Variants in STON1 observed in about 807,000 individuals in gnomAD.
STON1 encodes the protein stonin 1, also known as stonin-1.
A neutral mutation model predicts 60.9 loss-of-function variants in STON1; 79 were observed. The ratio of observed to expected loss-of-function variants is 1.30; its 90% confidence interval spans 1.08 to 1.56. The LOEUF is 1.56. STON1 is among the 40% of genes most tolerant of loss of function. STON1 has a pLI of 0.00. For synonymous variants in STON1, 363 were observed against 306.9 expected, an observed-to-expected ratio of 1.18 and a Z score of -1.91; for missense variants, 1,166 against 858.9, an observed-to-expected ratio of 1.36 and a Z score of -4.47.
chr2:48,546,953 CT>C (rs1671887098), intron 1 of STON1, among the ~76,000 whole-genome samples: 1 of 152,194 alleles, frequency 6.6e-6, no homozygotes, highest in Non-Finnish European at 1.5e-5. Context: ...TACTTCAAAT[CT>C]TACTGAGAAT....
chr2:48,562,114 GC>G (rs1672638521), intron 1 of STON1, among the ~76,000 whole-genome samples: 2 of 152,162 alleles, frequency 1.3e-5, no homozygotes, highest in Non-Finnish European at 2.9e-5. Context: ...ACCCACCTTG[GC>G]CTCCCAAAGT....
At chr2:48,553,568 A>T (rs981758824) in intron 1 of STON1, among the ~76,000 whole-genome samples, 1 of 151,512 alleles carries the variant, frequency 6.6e-6, no homozygotes, top group Admixed American at 6.6e-5. Context: ...GCTCACTGCA[A>T]CCTCTGCCTC....
chr2:48,564,558 C>CTTCTTCT (rs1672827815), intron 1 of STON1, among the ~76,000 whole-genome samples: 3 of 52,304 alleles, frequency 5.7e-5, no homozygotes, highest in Non-Finnish European at 8.0e-5. Context: ...TCTTCTTCTT[C>CTTCTTCT]TTCTTCTTCT....
At chr2:48,540,305 T>C (rs1052276870) in intron 1 of STON1, among the ~76,000 whole-genome samples, 4 of 152,192 alleles carry the variant, frequency 2.6e-5, no homozygotes, top group Non-Finnish European at 5.9e-5. Flanking sequence ...TTTGTTGTTA[T>C]AATACTGGGT....
chr2:48,542,243 T>G (rs531219302), intron 1 of STON1, among the ~76,000 whole-genome samples: 2 of 152,322 alleles, frequency 1.3e-5, no homozygotes, highest in African/African-American at 4.8e-5. Context: ...TACACAAAGA[T>G]ATTTTCCCCA....
rs774590976 is a variant in STON1, at chr2:48,582,072, T to C, written c.1439T>C (p.Ile480Thr). Reference protein sequence around the residue: ...YYEKDSEKKGIDILDYHFHKC... With the variant: ...YYEKDSEKKGTDILDYHFHKC... ...GAGAAGGACTCAGAAAAAAAGGGGA[T>C]TGATATTCTTGACTACCATTTTCAT... The change falls in exon 2 of 4, where the codon ATT becomes ACT. Residue 480 changes from isoleucine to threonine, a missense_variant. By Grantham distance (89) the Ile-to-Thr change is moderately conservative. Coordinates refer to ENST00000404752, the MANE Select transcript of STON1 (RefSeq NM_006873.4). 7 of 1,614,124 alleles carry C rather than the reference T, an allele frequency of 4.3e-6. No individual in the cohort carries two copies. In the South Asian group the frequency reaches 5.5e-5, roughly 13 times the overall value.
chr2:48,571,184 C>G (rs775894433), intron 1 of STON1, among the ~76,000 whole-genome samples: 6 of 152,114 alleles, frequency 3.9e-5, no homozygotes, highest in Non-Finnish European at 7.4e-5. Flanking sequence ...TGGAATTGTC[C>G]TCTAGGAGTT....
rs1558604809 is a variant in STON1, at chr2:48,564,482, T to TTC, written c.-47-16105_-47-16104insTC. Among the ~76,000 whole-genome samples, 12 of 25,758 alleles carry TTC rather than the reference T, an allele frequency of 4.7e-4. 2 individuals carry two copies. Among genetic ancestry groups the TTC allele is most frequent in the Admixed American group, 2.1e-3 (6 of 2,868 alleles). 16.9% of individuals were successfully genotyped at this position (25,758 alleles called of 152,430 possible). The stretch of plus-strand genomic sequence containing the variant: ...TCTTCTTCTTCTTCTTCTTCTTCTT[T>TTC]CTTCTTCTTCTTCTTCTTCTTCTTC... On this transcript the variant is annotated intron_variant, in intron 1 of 3. Coordinates refer to ENST00000404752, the MANE Select transcript of STON1 (RefSeq NM_006873.4).
chr2:48,595,500 G>T lies in STON1; in HGVS notation c.*198G>T. ...GCTTTTCATGTGTTTTTGTCCTAGG[G>T]GTTCGATCTAAAATGTTTCTATAAT... On this transcript the variant is annotated 3_prime_UTR_variant, in exon 4 of 4. Coordinates refer to ENST00000404752, the MANE Select transcript of STON1 (RefSeq NM_006873.4). The T allele has an allele frequency of 1.9e-6, 1 of 533,500 alleles. No homozygotes were observed. Among genetic ancestry groups the T allele is most frequent in the Non-Finnish European group, 3.3e-6 (1 of 302,850 alleles). The allele number at this position is 533,500 out of a possible 1,614,324, so 33.0% of individuals were successfully genotyped here. A position where few individuals can be genotyped will look rare whatever the true frequency, so the allele number is the denominator to read the frequency against.
Position 48,582,154 on chromosome 2 carries a change from G to A in STON1, c.1521G>A (p.Leu507=), listed in dbSNP as rs1673925881. Residue 507 remains leucine (L), a synonymous_variant, in exon 2 of 4, where the codon CTG becomes CTA. Transcript: ENST00000404752. ...EQSRIIKFVP[L]DACRFELMRF... is the part of the protein sequence containing the mutation. ...CAAGAATCATTAAGTTTGTACCTCT[G>A]GATGCCTGCCGGTTTGAGCTGATGC... The A allele has an allele frequency of 4.3e-6, 7 of 1,614,060 alleles. No individual in the cohort carries two copies. The highest frequency in any genetic ancestry group is 5.9e-6 in the Non-Finnish European group (7 of 1,180,056).
At chr2:48,588,141 C>G (rs1674317697) in intron 2 of STON1, among the ~76,000 whole-genome samples, 1 of 152,168 alleles carries the variant, frequency 6.6e-6, no homozygotes, top group Non-Finnish European at 1.5e-5. Context: ...TTTGACTGAG[C>G]AAGTGGGATC....
intron 1 of STON1, among the ~76,000 whole-genome samples, chr2:48,541,163 C>G (rs1210247072): frequency 1.3e-5 from 2 of 151,214 alleles, no homozygotes; most frequent in East Asian, 3.9e-4. Context: ...CCAGCCTGGC[C>G]AACATGGTGA....
At chr2:48,573,068 C>G (rs751273809) in intron 1 of STON1, among the ~76,000 whole-genome samples, 29 of 152,282 alleles carry the variant, frequency 1.9e-4, no homozygotes, top group Non-Finnish European at 3.2e-4. Flanking sequence ...GGCTGGTTTC[C>G]AAGGTTGAAT....
intron 1 of STON1, among the ~76,000 whole-genome samples, chr2:48,533,437 C>T (rs1186539625): frequency 3.3e-5 from 5 of 151,490 alleles, no homozygotes; most frequent in African/African-American, 9.7e-5. Context: ...ACCTGTAATC[C>T]CAACATTTTG....
intron 1 of STON1, among the ~76,000 whole-genome samples, chr2:48,561,732 T>A (rs768381329): frequency 1.3e-5 from 2 of 152,206 alleles, no homozygotes; most frequent in Non-Finnish European, 2.9e-5. Flanking sequence ...GGGAGTTAAC[T>A]TGCTCCTGTT....
rs149682340 is a variant in STON1, at chr2:48,549,317, G to A, written c.-48+19101G>A. ...GAAGCACCTTAAGGTAGAAGAACCC[G>A]CAGGAGCCTCCTTTTGTAAGTAAAG... is the stretch of plus-strand genomic sequence containing the variant. On this transcript the variant is annotated intron_variant, in intron 1 of 3. Coordinates refer to ENST00000404752, the MANE Select transcript of STON1 (RefSeq NM_006873.4). Among the ~76,000 whole-genome samples, 569 of 152,262 alleles carry A rather than the reference G, an allele frequency of 3.7e-3. 3 individuals are homozygous for A. Among genetic ancestry groups the A allele is most frequent in the African/African-American group, 0.013 (530 of 41,554 alleles).
At chr2:48,572,623 A>G (rs960153955) in intron 1 of STON1, among the ~76,000 whole-genome samples, 2 of 152,236 alleles carry the variant, frequency 1.3e-5, no homozygotes. Flanking sequence ...TTTTGAAGCT[A>G]CAAGGAAAAC....
chr2:48,598,154 T>C lies in STON1; in HGVS notation c.*2852T>C, dbSNP rs746337197. 7.9e-5 allele frequency: 12 copies of C among 152,120 alleles called. No homozygotes were observed. Among genetic ancestry groups the C allele is most frequent in the Non-Finnish European group, 1.3e-4 (9 of 68,028 alleles). 9.4% of individuals were successfully genotyped at this position (152,120 alleles called of 1,614,324 possible). The stretch of plus-strand genomic sequence containing the variant: ...GTAGATGATTTGTGCAGATCTGAAT[T>C]TAAGAACATTTCCTTTTTCTGTGGG... On this transcript the variant is annotated 3_prime_UTR_variant, in exon 4 of 4. Transcript: ENST00000404752.
At chr2:48,585,998 G>C (rs1461770944) in intron 2 of STON1, among the ~76,000 whole-genome samples, 1 of 152,256 alleles carries the variant, frequency 6.6e-6, no homozygotes, top group African/African-American at 2.4e-5. Flanking sequence ...AAGAGCACAG[G>C]CTCCCTTTGT....
Sources: allele counts gnomAD v4.1 joint callset (sites outside exome capture counted in the v4.1 genomes callset), GRCh38; gene constraint gnomAD v4.1.1; transcripts MANE v1.5; gene names NCBI Gene and HGNC (gene_info 2026-07-23, HGNC 2026-07-21).